The following PDE1C variants were observed in gnomAD, a reference collection of about 807,000 sequenced individuals.
The protein encoded by PDE1C is dual specificity calcium/calmodulin-dependent 3',5'-cyclic nucleotide phosphodiesterase 1C.
Under a neutral mutation model 93.1 loss-of-function variants are expected in PDE1C, and 62 were observed. The observed-to-expected ratio is 0.67, with a 90% CI of 0.54 to 0.82. The LOEUF (loss-of-function observed/expected upper bound fraction) is 0.82, where lower values mean the gene tolerates loss of function less well. Among genes scored for constraint, PDE1C ranks in the 40% least tolerant of loss-of-function variants. PDE1C has a pLI of 0.00. For synonymous variants in PDE1C, 325 were observed against 310.1 expected (o/e 1.05, Z -0.50); for missense variants, 742 against 884.6 (o/e 0.84, Z 2.04).
At chr7:31,776,784 T>G (rs986388184) in intron 16 of PDE1C, among the ~76,000 whole-genome samples, 6 of 152,114 alleles carry the variant, frequency 3.9e-5, no homozygotes. Context: ...CAGTCTGAGC[T>G]GGCAGAAATG....
chr7:32,070,493 C>T (rs1795915926), upstream of PDE1C: 4 of 1,555,676 alleles, frequency 2.6e-6, no homozygotes, highest in African/African-American at 4.1e-5. Flanking sequence ...AGGCGCGGCG[C>T]GCGTTTGCCC....
intron 1 of PDE1C, among the ~76,000 whole-genome samples, chr7:32,283,703 C>T (rs1393847534): frequency 3.3e-5 from 5 of 152,186 alleles, no homozygotes; most frequent in South Asian, 2.1e-4. Flanking sequence ...TGTGATGTCA[C>T]ATAATGATCC....
rs1445471027 is a variant in PDE1C, at chr7:32,282,812, C to A, written c.85+15839G>T. On this transcript the variant is annotated intron_variant, in intron 1 of 18. Transcript: ENST00000396193. ...AGCCAGGATGGTCTCGATCTCCTAA[C>A]CTCGTGATCCGCCCACCTCCGCCTC... Among the ~76,000 whole-genome samples the A allele has an allele frequency of 2.0e-5, 3 of 152,052 alleles. No homozygotes were observed. The East Asian group carries it at 5.9e-4, about 30-fold the overall frequency.
intron 1 of PDE1C, among the ~76,000 whole-genome samples, chr7:32,260,698 A>T (rs1427781719): frequency 2.0e-5 from 3 of 152,284 alleles, no homozygotes; most frequent in African/African-American, 4.8e-5. Flanking sequence ...CATAGGCCGA[A>T]CTAACTTTGG....
intron 1 of PDE1C, among the ~76,000 whole-genome samples, chr7:32,369,953 C>G (rs1480612699): frequency 6.6e-6 from 1 of 152,144 alleles, no homozygotes; most frequent in African/African-American, 2.4e-5. Flanking sequence ...ACTAGAAATA[C>G]CATTTGACCC....
intron 1 of PDE1C, among the ~76,000 whole-genome samples, chr7:32,383,432 G>A (rs1366707154): frequency 6.6e-6 from 1 of 152,198 alleles, no homozygotes; most frequent in African/African-American, 2.4e-5. Flanking sequence ...TGAGAAGAAA[G>A]AATGGCACTA....
intron 2 of PDE1C, among the ~76,000 whole-genome samples, chr7:31,981,147 AT>A (rs1379343849): frequency 6.6e-6 from 1 of 152,208 alleles, no homozygotes. Context: ...TATTTAAGTT[AT>A]TCTTGTAACT....
the PDE1C span, among the ~76,000 whole-genome samples, chr7:31,715,972 T>A: frequency 6.6e-6 from 1 of 152,096 alleles, no homozygotes; most frequent in African/African-American, 2.4e-5. Context: ...TTGCCATGAG[T>A]TTTGCTGGGA....
At chr7:31,738,253 G>A in the PDE1C span, among the ~76,000 whole-genome samples, 1 of 152,188 alleles carries the variant, frequency 6.6e-6, no homozygotes, top group Non-Finnish European at 1.5e-5. Context: ...TGCTAATAAA[G>A]ATATACCTGA....
intron 16 of PDE1C, among the ~76,000 whole-genome samples, chr7:31,781,956 G>C (rs568189697): frequency 6.6e-6 from 1 of 152,196 alleles, no homozygotes; most frequent in South Asian, 2.1e-4. Flanking sequence ...TTGGACATAT[G>C]AATGAGGAGT....
At chr7:31,762,603 G>C (rs1794904870) in intron 17 of PDE1C, among the ~76,000 whole-genome samples, 1 of 152,154 alleles carries the variant, frequency 6.6e-6, no homozygotes, top group Non-Finnish European at 1.5e-5. Flanking sequence ...GCCTCCCAAA[G>C]TGCTGGGATT....
At chr7:31,807,445 G>A (rs571063095) in intron 16 of PDE1C, among the ~76,000 whole-genome samples, 4 of 151,388 alleles carry the variant, frequency 2.6e-5, no homozygotes, top group African/African-American at 9.7e-5. Context: ...TAAATACTTG[G>A]GTATGATTCA....
chr7:32,080,796 A>G (rs1796618500), intron 3 of PDE1C, among the ~76,000 whole-genome samples: 2 of 152,238 alleles, frequency 1.3e-5, no homozygotes, highest in Non-Finnish European at 2.9e-5. Context: ...ATATAAAAGA[A>G]TAACATATCT....
chr7:31,784,303 C>T (rs917753), intron 16 of PDE1C: 31,672 of 152,012 alleles, frequency 0.21, 4,556 homozygotes, highest in East Asian at 0.71. Context: ...AGAGCAAAAA[C>T]TGTGCTGTAC....
chr7:32,342,997 T>A (rs2128080639), intron 1 of PDE1C, among the ~76,000 whole-genome samples: 1 of 152,290 alleles, frequency 6.6e-6, no homozygotes, highest in East Asian at 1.9e-4. Flanking sequence ...CAAGCTCAGT[T>A]GGTACAGGCA....
chr7:32,294,058 A>G (rs1029899913), intron 1 of PDE1C, among the ~76,000 whole-genome samples: 1 of 151,814 alleles, frequency 6.6e-6, no homozygotes, highest in Non-Finnish European at 1.5e-5. Flanking sequence ...ATCAGACCTC[A>G]GCCACCCACC....
chr7:31,705,970 A>G, the PDE1C span, among the ~76,000 whole-genome samples: 1 of 133,530 alleles, frequency 7.5e-6, no homozygotes, highest in Non-Finnish European at 1.6e-5. Context: ...AGACTTCTGA[A>G]TTTCACAGAC....
intron 1 of PDE1C, among the ~76,000 whole-genome samples, chr7:32,415,539 A>G (rs896715615): frequency 2.0e-4 from 31 of 152,148 alleles, no homozygotes; most frequent in African/African-American, 7.5e-4. Context: ...GACCTGCCTT[A>G]TATTGGGGAT....
Position 31,989,247 on chromosome 7 carries a change from C to A in PDE1C, c.128+62307G>T, listed in dbSNP as rs78243807. Among the ~76,000 whole-genome samples the A allele has an allele frequency of 5.9e-3, 895 of 152,218 alleles. 4 individuals are homozygous for A. Among genetic ancestry groups the A allele is most frequent in the African/African-American group, 0.021 (870 of 41,540 alleles). On this transcript the variant is annotated intron_variant, in intron 2 of 17. Transcript: ENST00000396191. Reference sequence around the variant, plus strand: ...TTTGTGTTAAGGTCATATCCTCCTTCTCTGGCTAAAGTCTCCTTAAGATCA... The same window carrying A: ...TTTGTGTTAAGGTCATATCCTCCTTATCTGGCTAAAGTCTCCTTAAGATCA...
Sources: allele counts gnomAD v4.1 joint callset (sites outside exome capture counted in the v4.1 genomes callset), GRCh38; gene constraint gnomAD v4.1.1; transcripts MANE v1.5; gene names NCBI Gene and HGNC (gene_info 2026-07-23, HGNC 2026-07-21).